ASIC2: variants seen among roughly 807,000 people sequenced by gnomAD.
The protein encoded by ASIC2 is acid sensing ion channel subunit 2.
In ASIC2, 25 loss-of-function variants were observed where a neutral mutation model predicts 57.3. The observed-to-expected ratio is 0.44, with a 90% confidence interval of 0.32 to 0.61. ASIC2 has a LOEUF of 0.61. Ranked by LOEUF, ASIC2 falls within the 20% of genes least tolerant of loss-of-function variation. The pLI is 0.06. For missense variants in ASIC2, 641 were observed against 738.1 expected (o/e 0.87, Z 1.52); for synonymous variants, 319 against 307.5 (o/e 1.04, Z -0.39).
chr17:33,854,521 T>C (rs1234292172), intron 1 of ASIC2, among the ~76,000 whole-genome samples: 2 of 152,252 alleles, frequency 1.3e-5, no homozygotes, highest in African/African-American at 4.8e-5. Flanking sequence ...CATGTGCATA[T>C]TTGCATGTCT....
chr17:33,301,280 A>G (rs1456174332), intron 1 of ASIC2, among the ~76,000 whole-genome samples: 2 of 151,946 alleles, frequency 1.3e-5, no homozygotes, highest in Non-Finnish European at 2.9e-5. Flanking sequence ...AGTTCAAACA[A>G]TCCTCCTGCC....
At chr17:33,256,001 A>G (rs920379293) in intron 1 of ASIC2, among the ~76,000 whole-genome samples, 6 of 152,196 alleles carry the variant, frequency 3.9e-5, no homozygotes, top group African/African-American at 1.4e-4. Context: ...GTAATGTTTA[A>G]TTCACACTAG....
intron 1 of ASIC2, among the ~76,000 whole-genome samples, chr17:34,059,943 G>A (rs1908911199): frequency 6.6e-6 from 1 of 152,180 alleles, no homozygotes. Context: ...ATATAATCTT[G>A]GGAGTTCTAG....
chr17:33,603,316 T>C (rs566058124), intron 1 of ASIC2, among the ~76,000 whole-genome samples: 6 of 152,274 alleles, frequency 3.9e-5, no homozygotes, highest in East Asian at 1.9e-4. Context: ...GAGAGCCTGA[T>C]TGGGACTCCA....
chr17:33,369,113 GA>G, intron 1 of ASIC2, among the ~76,000 whole-genome samples: 1 of 152,148 alleles, frequency 6.6e-6, no homozygotes, highest in South Asian at 2.1e-4. Context: ...AAAGATCCCA[GA>G]AAACTAAAAT....
At chr17:33,310,380 G>C (rs1906360597) in intron 1 of ASIC2, among the ~76,000 whole-genome samples, 1 of 152,142 alleles carries the variant, frequency 6.6e-6, no homozygotes. Flanking sequence ...TCTAGGGTTT[G>C]TGTTTCTCTA....
chr17:33,668,920 C>CT (rs1296835800), intron 1 of ASIC2, among the ~76,000 whole-genome samples: 1 of 152,164 alleles, frequency 6.6e-6, no homozygotes, highest in Non-Finnish European at 1.5e-5. Context: ...AAGAAGGCTT[C>CT]TTGGCAACAC....
intron 1 of ASIC2, among the ~76,000 whole-genome samples, chr17:33,396,550 A>G (rs562572311): frequency 6.6e-6 from 1 of 152,210 alleles, no homozygotes; most frequent in African/African-American, 2.4e-5. Flanking sequence ...CTGGGCTGGG[A>G]CCTAGGTCTT....
At chr17:33,937,952 T>A (rs1916104394) in intron 1 of ASIC2, among the ~76,000 whole-genome samples, 1 of 152,214 alleles carries the variant, frequency 6.6e-6, no homozygotes, top group Admixed American at 6.5e-5. Flanking sequence ...TGACTTGGGG[T>A]TTCCAGAGTC....
intron 7 of ASIC2, among the ~76,000 whole-genome samples, chr17:33,019,068 T>A (rs778781232): frequency 3.3e-5 from 5 of 152,092 alleles, no homozygotes; most frequent in Non-Finnish European, 7.4e-5. Context: ...CACCGCTCCC[T>A]CTCATGTCTT....
chr17:34,026,712 G>A (rs1268298048), intron 1 of ASIC2, among the ~76,000 whole-genome samples: 1 of 152,154 alleles, frequency 6.6e-6, no homozygotes, highest in African/African-American at 2.4e-5. Context: ...TGCCAAAGGT[G>A]GATGGGATGT....
rs567429188 is a variant in ASIC2 at position 33,211,367 on chromosome 17, G to A, written c.708+80041C>T. Among the ~76,000 whole-genome samples, 6 of 152,112 alleles carry A rather than the reference G, an allele frequency of 3.9e-5. No individual in the cohort carries two copies. The South Asian group carries it at 6.2e-4, about 16-fold the overall frequency. On this transcript the variant is annotated intron_variant, in intron 1 of 9. Coordinates refer to ENST00000225823, the MANE Select transcript of ASIC2 (RefSeq NM_183377.2). ...GCCATGGAGGGGGCATTTACATCAC[G>A]GAAATGGGCACTCAGGACTCCTCCC... is the stretch of plus-strand genomic sequence containing the variant.
At chr17:33,332,287 C>G (rs1362223523) in intron 1 of ASIC2, among the ~76,000 whole-genome samples, 1 of 152,062 alleles carries the variant, frequency 6.6e-6, no homozygotes, top group African/African-American at 2.4e-5. Flanking sequence ...TTCTAGTAAC[C>G]CTATTTTTAA....
At chr17:33,023,791 C>T in intron 6 of ASIC2, 70 bp downstream of exon 6, 1 of 1,590,116 alleles carries the variant, frequency 6.3e-7, no homozygotes, top group South Asian at 1.1e-5. Context: ...TGCTTTCCTC[C>T]TTGATTGCCT....
intron 1 of ASIC2, among the ~76,000 whole-genome samples, chr17:33,327,222 A>G (rs1907115048): frequency 6.6e-6 from 1 of 151,926 alleles, no homozygotes; most frequent in African/African-American, 2.4e-5. Context: ...TTATCTTCCC[A>G]TTTCTTCAAG....
intron 1 of ASIC2, among the ~76,000 whole-genome samples, chr17:34,126,543 GT>G (rs1478417646): frequency 6.6e-6 from 1 of 152,162 alleles, no homozygotes; most frequent in Non-Finnish European, 1.5e-5. Flanking sequence ...ACTGAGAGAT[GT>G]TCCCTCTTCT....
Position 33,291,704 on chromosome 17 carries a change from T to C in ASIC2, c.412A>G (p.Asn138Asp). The C allele has an allele frequency of 6.2e-7, 1 of 1,613,616 alleles. No individual in the cohort carries two copies. The highest frequency in any genetic ancestry group is 8.5e-7 in the Non-Finnish European group (1 of 1,179,880). The change falls in exon 1 of 10, where the codon AAC becomes GAC. Residue 138 changes from asparagine to aspartate, a missense_variant. Transcript: ENST00000225823. ...AGGCGCGGGAAGCGCAGCGGGTTGT[T>C]GTTGCACACAGTGACGGCGGGGAAG... Reference protein sequence around the residue: ...LPFPAVTVCNNNPLRFPRLSK... With the variant: ...LPFPAVTVCNDNPLRFPRLSK...
intron 1 of ASIC2, among the ~76,000 whole-genome samples, chr17:33,924,669 T>C (rs1025975137): frequency 6.6e-6 from 1 of 152,200 alleles, no homozygotes; most frequent in Non-Finnish European, 1.5e-5. Flanking sequence ...CCTATGGGAA[T>C]TTTTGATTTA....
chr17:33,638,736 G>GTGAC (rs1567676356), intron 1 of ASIC2, among the ~76,000 whole-genome samples: 1 of 152,174 alleles, frequency 6.6e-6, no homozygotes, highest in Non-Finnish European at 1.5e-5. Context: ...GAGAGCTGCT[G>GTGAC]TGACTCTGCC....
Sources: allele counts gnomAD v4.1 joint callset (sites outside exome capture counted in the v4.1 genomes callset), GRCh38; gene constraint gnomAD v4.1.1; transcripts MANE v1.5; gene names NCBI Gene and HGNC (gene_info 2026-07-23, HGNC 2026-07-21).